Variants in CD244 observed in about 807,000 individuals in gnomAD.
CD244 encodes the protein natural killer cell receptor 2B4.
In CD244, 20 loss-of-function variants were observed where a neutral mutation model predicts 45.5. That is an observed-to-expected ratio of 0.44 (90% confidence interval 0.31 to 0.64). CD244 has a LOEUF of 0.64. CD244 is among the 30% of genes least tolerant of loss of function. The pLI is 0.08. For missense variants in CD244, 407 were observed against 426.9 expected (o/e 0.95, Z 0.41); for synonymous variants, 185 against 160.5 (o/e 1.15, Z -1.15).
chr1:160,838,662 C>A, intron 4 of CD244, 144 bp from the exon 5 acceptor site: 1 of 679,434 alleles, frequency 1.5e-6, no homozygotes, highest in Non-Finnish European at 2.6e-6. Flanking sequence ...TCCCAGGAAC[C>A]CCAAAGAGCA....
intron 1 of CD244, among the ~76,000 whole-genome samples, chr1:160,850,736 A>G: frequency 6.6e-6 from 1 of 152,232 alleles, no homozygotes; most frequent in Non-Finnish European, 1.5e-5. Context: ...TTCTGTGACC[A>G]ACGTGTGGGG....
At chr1:160,839,534 T>G (rs1468104698) in intron 3 of CD244, among the ~76,000 whole-genome samples, 3 of 152,242 alleles carry the variant, frequency 2.0e-5, no homozygotes, top group African/African-American at 7.2e-5. Context: ...GAGGCCTTTT[T>G]CCTTGTCATT....
At chr1:160,848,796 G>T (rs1048200125) in intron 1 of CD244, among the ~76,000 whole-genome samples, 1 of 151,066 alleles carries the variant, frequency 6.6e-6, no homozygotes, top group African/African-American at 2.5e-5. Context: ...AGGCATGGAA[G>T]CTTCGTGTCC....
At chr1:160,833,892 C>A (rs566014602) in intron 7 of CD244, among the ~76,000 whole-genome samples, 159 bp downstream of exon 7, 2 of 152,292 alleles carry the variant, frequency 1.3e-5, no homozygotes, top group Admixed American at 1.3e-4. Flanking sequence ...TTCTCATTGG[C>A]CCATTGACAT....
chr1:160,860,397 A>T (rs927464363), intron 1 of CD244, among the ~76,000 whole-genome samples: 2 of 152,150 alleles, frequency 1.3e-5, no homozygotes, highest in Non-Finnish European at 1.5e-5. Flanking sequence ...AACATGAGAA[A>T]CATAACAACT....
chr1:160,839,891 A>G (rs1290796970), intron 3 of CD244, among the ~76,000 whole-genome samples: 1 of 152,134 alleles, frequency 6.6e-6, no homozygotes, highest in Non-Finnish European at 1.5e-5. Flanking sequence ...GCTCTTCCTC[A>G]TTTGAACTTC....
intron 1 of CD244, among the ~76,000 whole-genome samples, chr1:160,858,725 A>G (rs1670193573): frequency 3.3e-5 from 5 of 152,236 alleles, no homozygotes; most frequent in Admixed American, 3.3e-4. Context: ...AGTAACAGTG[A>G]CTCAGGCAAT....
At chr1:160,841,089 T>C in intron 3 of CD244, 121 bp downstream of exon 3, 1 of 945,508 alleles carries the variant, frequency 1.1e-6, no homozygotes, top group African/African-American at 1.6e-5. Flanking sequence ...TGGGAAGGGC[T>C]ACAAGGCACT....
At chr1:160,843,254 T>C (rs1019169466) in intron 1 of CD244, among the ~76,000 whole-genome samples, 1 of 152,240 alleles carries the variant, frequency 6.6e-6, no homozygotes, top group Admixed American at 6.5e-5. Context: ...ATATGACTTG[T>C]ACTGGCTCTG....
At chr1:160,840,314 T>C (rs1192916683) in intron 3 of CD244, among the ~76,000 whole-genome samples, 3 of 151,976 alleles carry the variant, frequency 2.0e-5, no homozygotes, top group Non-Finnish European at 4.4e-5. Flanking sequence ...AGTGTCCTAG[T>C]TCAGTGGCAT....
intron 1 of CD244, among the ~76,000 whole-genome samples, chr1:160,843,428 C>A (rs1251485054): frequency 6.6e-6 from 1 of 152,132 alleles, no homozygotes; most frequent in Non-Finnish European, 1.5e-5. Flanking sequence ...ATTACTAAAC[C>A]TACAAGGAGG....
intron 1 of CD244, among the ~76,000 whole-genome samples, chr1:160,852,810 G>A (rs1669965582): frequency 6.6e-6 from 1 of 151,964 alleles, no homozygotes; most frequent in South Asian, 2.1e-4. Context: ...ATCACCTGAG[G>A]TCAGGAGTTT....
intron 3 of CD244, among the ~76,000 whole-genome samples, chr1:160,839,480 C>G (rs991786965): frequency 7.2e-5 from 11 of 152,114 alleles, no homozygotes; most frequent in African/African-American, 2.2e-4. Context: ...AATTGTGGAT[C>G]CAGAATATTC....
chr1:160,854,318 T>TAAAA (rs1670027389), intron 1 of CD244, among the ~76,000 whole-genome samples: 1 of 152,212 alleles, frequency 6.6e-6, no homozygotes, highest in Non-Finnish European at 1.5e-5. Flanking sequence ...AAGGTTGTTC[T>TAAAA]CTGCTATTAT....
At chr1:160,836,067 G>T in intron 6 of CD244, 128 bp downstream of exon 6, 1 of 726,344 alleles carries the variant, frequency 1.4e-6, no homozygotes, top group Non-Finnish European at 2.5e-6. Flanking sequence ...TGCAACTGAA[G>T]CCAAGCTATC....
chr1:160,846,884 G>A (rs1169252030), intron 1 of CD244, among the ~76,000 whole-genome samples: 1 of 152,114 alleles, frequency 6.6e-6, no homozygotes, highest in Non-Finnish European at 1.5e-5. Flanking sequence ...CTGTATAGGA[G>A]TTTTCTATAG....
At chr1:160,834,856 G>T (rs1669273199) in intron 6 of CD244, among the ~76,000 whole-genome samples, 1 of 152,150 alleles carries the variant, frequency 6.6e-6, no homozygotes, top group Admixed American at 6.5e-5. Context: ...CCCTGGACTG[G>T]AACCAGGTGT....
chr1:160,855,944 C>T (rs1017127878), intron 1 of CD244, among the ~76,000 whole-genome samples: 6 of 152,328 alleles, frequency 3.9e-5, no homozygotes, highest in African/African-American at 1.4e-4. Flanking sequence ...AGCTCAGCTT[C>T]CTCCAACCTG....
chr1:160,836,288 G>A lies in CD244; in HGVS notation c.835-34C>T, dbSNP rs189095349. 3.0e-5 allele frequency: 46 copies of A among 1,552,894 alleles called. No homozygotes were observed. The East Asian group carries it at 4.5e-4, about 15-fold the overall frequency. Reference sequence around the variant, plus strand: ...GAAATGGAGATGGGGTAACATGAGCGACAGTTCGGTCTGTCCAGATTTAGA... The same window carrying A: ...GAAATGGAGATGGGGTAACATGAGCAACAGTTCGGTCTGTCCAGATTTAGA... On this transcript the variant is annotated intron_variant, in intron 5 of 8. Coordinates refer to ENST00000368034, the MANE Select transcript of CD244 (RefSeq NM_016382.4).
Sources: gnomAD v4.1 joint callset for allele counts (sites outside exome capture counted in the v4.1 genomes callset) on GRCh38, gnomAD v4.1.1 for gene constraint, MANE v1.5 for transcripts, NCBI Gene and HGNC (gene_info 2026-07-23, HGNC 2026-07-21) for gene names.